PI4KA: variants seen among roughly 807,000 people sequenced by gnomAD.
The protein encoded by PI4KA is PI4-kinase alpha.
In PI4KA, 122 loss-of-function variants were observed where a neutral mutation model predicts 271.4. That is an observed-to-expected ratio of 0.45 (90% CI 0.39 to 0.52). The LOEUF (loss-of-function observed/expected upper bound fraction) is 0.52, where lower values mean the gene tolerates loss of function less well. Ranked by LOEUF, PI4KA falls within the 20% of genes least tolerant of loss-of-function variation. PI4KA has a pLI of 0.00. For missense variants in PI4KA, 1,969 were observed against 2,769.1 expected, an observed-to-expected ratio of 0.71 and a Z score of 6.48; for synonymous variants, 1,041 against 1,078.8, an observed-to-expected ratio of 0.96 and a Z score of 0.69.
At chr22:20,748,487 G>A (rs1267925701) in intron 28 of PI4KA, among the ~76,000 whole-genome samples, 1 of 152,198 alleles carries the variant, frequency 6.6e-6, no homozygotes, top group African/African-American at 2.4e-5. Flanking sequence ...AAGGGTGCTG[G>A]GCAATGGGAT....
chr22:20,807,306 G>T, intron 10 of PI4KA, 56 bp downstream of exon 10: 2 of 1,101,238 alleles, frequency 1.8e-6, no homozygotes, highest in East Asian at 2.4e-5. Flanking sequence ...GCATGCGACA[G>T]TGGCCTGGGA....
At chr22:20,753,606 T>C (rs1950886772) in intron 23 of PI4KA, among the ~76,000 whole-genome samples, 1 of 152,194 alleles carries the variant, frequency 6.6e-6, no homozygotes, top group Admixed American at 6.5e-5. Context: ...CTAATTTAGG[T>C]TTGTCTGATG....
intron 4 of PI4KA, among the ~76,000 whole-genome samples, chr22:20,820,965 C>T (rs1922582893): frequency 6.6e-6 from 1 of 152,184 alleles, no homozygotes; most frequent in Non-Finnish European, 1.5e-5. Flanking sequence ...GCTTTTCAAC[C>T]GTATTCTTCA....
intron 3 of PI4KA, among the ~76,000 whole-genome samples, chr22:20,825,581 AG>A (rs1360827934): frequency 1.3e-5 from 2 of 152,172 alleles, no homozygotes. Flanking sequence ...GAGTGCAGAC[AG>A]AGTGAGACTG....
At chr22:20,805,932 C>T (rs1393295820) in intron 10 of PI4KA, among the ~76,000 whole-genome samples, 1 of 152,074 alleles carries the variant, frequency 6.6e-6, no homozygotes. Flanking sequence ...AGCACTCACC[C>T]TGAGTTTGAG....
At position 20,858,657 on chromosome 22, in the gene PI4KA, G is replaced by A. The variant is rs1308708616; in HGVS notation, c.69C>T (p.Gly23=). The change falls in exon 1 of 55, where the codon GGC becomes GGT. Residue 23 remains glycine (G), a synonymous_variant. Transcript: ENST00000255882. ...GGGGGGCSGS[G]SSASRGFYFN... ...AATAGAAGCCCCGCGAGGCGCTGGA[G>A]CCGGAGCCGGAGCAGCCGCCGCCGC... The A allele has an allele frequency of 1.4e-5, 20 of 1,481,146 alleles. No homozygotes were observed. The highest frequency in any genetic ancestry group is 1.8e-5 in the Non-Finnish European group (20 of 1,122,298). The allele number at this position is 1,481,146 out of a possible 1,614,324, so 91.8% of individuals were successfully genotyped here. A position where few individuals can be genotyped will look rare whatever the true frequency, so the allele number is the denominator to read the frequency against.
intron 4 of PI4KA, 105 bp from the exon 5 acceptor site, chr22:20,820,716 A>T: frequency 2.6e-6 from 2 of 775,560 alleles, no homozygotes; most frequent in Non-Finnish European, 2.2e-6. Context: ...ATCTTAACCA[A>T]CCCCATATAT....
intron 19 of PI4KA, among the ~76,000 whole-genome samples, chr22:20,766,130 A>C (rs1452164511): frequency 6.6e-6 from 1 of 152,216 alleles, no homozygotes; most frequent in Non-Finnish European, 1.5e-5. Context: ...AATGCTCAGG[A>C]AAGGCAAACA....
At chr22:20,805,518 G>C (rs1278625873) in intron 10 of PI4KA, among the ~76,000 whole-genome samples, 1 of 152,152 alleles carries the variant, frequency 6.6e-6, no homozygotes, top group African/African-American at 2.4e-5. Flanking sequence ...ATACTTCTGT[G>C]ATTTTTTTTT....
At position 20,747,612 on chromosome 22, in the gene PI4KA, C is replaced by T; in HGVS notation, c.3334G>A (p.Gly1112Ser). ...AGAGTTGTGTTCTGCTTGTTGTAGCCAGCAAAGTGAAGGATGCTCTCAGTG... is the reference window on the plus strand; with the variant it reads ...AGAGTTGTGTTCTGCTTGTTGTAGCTAGCAAAGTGAAGGATGCTCTCAGTG... ...MATESILHFAGYNKQNTTLGA... is the reference protein window; with the variant it reads ...MATESILHFASYNKQNTTLGA... Residue 1112 changes from glycine to serine, a missense_variant, in exon 29 of 55, where the codon GGC becomes AGC. Coordinates refer to ENST00000255882, the MANE Select transcript of PI4KA (RefSeq NM_058004.4). 6.2e-7 allele frequency: 1 copy of T among 1,614,112 alleles called. No individual in the cohort carries two copies. The highest frequency in any genetic ancestry group is 8.5e-7 in the Non-Finnish European group (1 of 1,180,006).
At chr22:20,794,159 A>G (rs1238133584) in intron 18 of PI4KA, among the ~76,000 whole-genome samples, 3 of 152,254 alleles carry the variant, frequency 2.0e-5, no homozygotes, top group African/African-American at 7.2e-5. Context: ...GGGGGCCACA[A>G]GGGTGGCCCT....
At chr22:20,823,074 C>T (rs755173555) in intron 4 of PI4KA, among the ~76,000 whole-genome samples, 3 of 151,952 alleles carry the variant, frequency 2.0e-5, no homozygotes, top group Non-Finnish European at 2.9e-5. Context: ...CCACCACGCC[C>T]GGCTAATTTT....
At chr22:20,761,489 C>T in intron 22 of PI4KA, 103 bp from the exon 23 acceptor site, 3 of 743,172 alleles carry the variant, frequency 4.0e-6, no homozygotes, top group Non-Finnish European at 4.9e-6. Flanking sequence ...AACATTTGCC[C>T]TCTGTCATTC....
At chr22:20,833,651 G>GTT (rs869299414) in intron 3 of PI4KA, among the ~76,000 whole-genome samples, 1 of 95,596 alleles carries the variant, frequency 1.0e-5, no homozygotes, top group Non-Finnish European at 2.0e-5. Context: ...GTTTTGGTTT[G>GTT]TTTTTGTTTT....
At chr22:20,738,327 G>A (rs1275757376) in intron 32 of PI4KA, among the ~76,000 whole-genome samples, 1 of 152,202 alleles carries the variant, frequency 6.6e-6, no homozygotes, top group Non-Finnish European at 1.5e-5. Context: ...ATAATGCCCT[G>A]CTTAAGTTGG....
intron 28 of PI4KA, among the ~76,000 whole-genome samples, chr22:20,748,131 C>CTGTCTGTAAG (rs1930309192): frequency 6.6e-6 from 1 of 152,240 alleles, no homozygotes; most frequent in East Asian, 1.9e-4. Flanking sequence ...CTGCCCCTCC[C>CTGTCTGTAAG]TAACTAGCTG....
chr22:20,747,886 C>G (rs1461883621), intron 28 of PI4KA, among the ~76,000 whole-genome samples, 184 bp from the exon 29 acceptor site: 2 of 151,818 alleles, frequency 1.3e-5, no homozygotes, highest in Non-Finnish European at 2.9e-5. Flanking sequence ...AGGGGCACGC[C>G]ACTATGCCTG....
At chr22:20,744,860 G>A (rs1201336771) in intron 29 of PI4KA, 140 bp from the exon 30 acceptor site, 1 of 537,260 alleles carries the variant, frequency 1.9e-6, no homozygotes, top group African/African-American at 1.9e-5. Flanking sequence ...CTGCTGGCAA[G>A]TTAATAAAGC....
intron 3 of PI4KA, among the ~76,000 whole-genome samples, chr22:20,831,167 T>A (rs1221804107): frequency 6.6e-6 from 1 of 151,968 alleles, no homozygotes; most frequent in South Asian, 2.1e-4. Context: ...GGTAAAGAAA[T>A]CCCTTAGCAT....
Sources: gnomAD v4.1 joint callset for allele counts (sites outside exome capture counted in the v4.1 genomes callset) on GRCh38, gnomAD v4.1.1 for gene constraint, MANE v1.5 for transcripts, NCBI Gene and HGNC (gene_info 2026-07-23, HGNC 2026-07-21) for gene names.